TRABD2B: variants seen among roughly 807,000 people sequenced by gnomAD.
TRABD2B encodes the protein metalloprotease TIKI2.
In TRABD2B, 14 loss-of-function variants were observed where a neutral mutation model predicts 40.1. The ratio of observed to expected loss-of-function variants is 0.35; its 90% CI spans 0.23 to 0.55. The LOEUF (loss-of-function observed/expected upper bound fraction) is 0.55. Ranked by LOEUF, TRABD2B falls within the 20% of genes least tolerant of loss-of-function variation. The pLI is 0.90. For synonymous variants in TRABD2B, 263 were observed against 277.0 expected (o/e 0.95, Z 0.50); for missense variants, 541 against 648.6 (o/e 0.83, Z 1.80).
intron 2 of TRABD2B, among the ~76,000 whole-genome samples, chr1:47,843,958 C>A (rs373209805): frequency 6.6e-6 from 1 of 152,168 alleles, no homozygotes; most frequent in Non-Finnish European, 1.5e-5. Context: ...GGGCACCCAG[C>A]CCCAGGCCCG....
intron 2 of TRABD2B, among the ~76,000 whole-genome samples, chr1:47,980,202 A>G (rs1168136953): frequency 6.6e-6 from 1 of 152,116 alleles, no homozygotes; most frequent in African/African-American, 2.4e-5. Flanking sequence ...ATCCGGATCA[A>G]TATCACCATC....
At chr1:47,966,460 C>T (rs1645604316) in intron 2 of TRABD2B, among the ~76,000 whole-genome samples, 1 of 152,204 alleles carries the variant, frequency 6.6e-6, no homozygotes, top group Non-Finnish European at 1.5e-5. Flanking sequence ...AAAGGAGGCG[C>T]TCACCAGACT....
chr1:47,944,566 GA>G (rs1446563366), intron 2 of TRABD2B, among the ~76,000 whole-genome samples: 1 of 152,154 alleles, frequency 6.6e-6, no homozygotes, highest in Non-Finnish European at 1.5e-5. Flanking sequence ...GTGGAGGAAG[GA>G]AGAAGGATCA....
chr1:47,980,589 T>C (rs1177601681), intron 2 of TRABD2B, among the ~76,000 whole-genome samples: 1 of 152,190 alleles, frequency 6.6e-6, no homozygotes, highest in African/African-American at 2.4e-5. Context: ...TCCTCTAGGC[T>C]GGGGGTGGCC....
chr1:47,942,384 C>T (rs1450716553), intron 2 of TRABD2B, among the ~76,000 whole-genome samples: 5 of 111,974 alleles, frequency 4.5e-5, no homozygotes, highest in Admixed American at 2.5e-4. Flanking sequence ...GTGAAGGGGA[C>T]GATCAGGGGA....
intron 2 of TRABD2B, among the ~76,000 whole-genome samples, chr1:47,880,661 C>A (rs372130304): frequency 6.6e-6 from 1 of 152,284 alleles, no homozygotes; most frequent in East Asian, 1.9e-4. Flanking sequence ...TTCTCCTCTG[C>A]CCCTCCGTGT....
At chr1:47,768,960 C>T (rs941524907) in intron 6 of TRABD2B, among the ~76,000 whole-genome samples, 5 of 152,170 alleles carry the variant, frequency 3.3e-5, no homozygotes, top group African/African-American at 9.6e-5. Context: ...AGGAGCCGTC[C>T]CTGAATGAAC....
chr1:47,981,169 A>T (rs1030874091), intron 2 of TRABD2B, among the ~76,000 whole-genome samples: 5 of 152,060 alleles, frequency 3.3e-5, no homozygotes, highest in Non-Finnish European at 1.5e-5. Flanking sequence ...GTGCATCACC[A>T]AGCCTGGCTA....
Position 47,996,911 on chromosome 1 carries a change from G to T in TRABD2B, c.-122C>A, listed in dbSNP as rs1321950120. 7.1e-6 allele frequency: 8 copies of T among 1,124,564 alleles called. No homozygotes were observed. The highest frequency in any genetic ancestry group is 8.7e-6 in the Non-Finnish European group (8 of 920,158). 69.7% of individuals were successfully genotyped at this position (1,124,564 alleles called of 1,614,324 possible). On this transcript the variant is annotated 5_prime_UTR_variant, in exon 1 of 7. Coordinates refer to ENST00000606738, the MANE Select transcript of TRABD2B (RefSeq NM_001194986.2). This position sits in a 1 kb window ranked among gnomAD's most constrained non-coding sequence, Gnocchi z 4.6. ...CGGGGCTCCAGCCGCAGGATGCTGG[G>T]CGCCCTCTGGGGCGTGGCTGACTGT...
rs536272206 is a variant in TRABD2B, at chr1:47,888,947, G to A, written c.667-87328C>T. ...GTTAGCATCACCCACCCTAGGTCAG[G>A]TGCCTGTGGCCCGCGCTCCCCAGCC... On this transcript the variant is annotated intron_variant, in intron 2 of 6. Coordinates refer to ENST00000606738, the MANE Select transcript of TRABD2B (RefSeq NM_001194986.2). Among the ~76,000 whole-genome samples, 9 of 152,328 alleles carry A rather than the reference G, an allele frequency of 5.9e-5. No individual in the cohort carries two copies. The South Asian group carries it at 1.0e-3, about 18-fold the overall frequency.
At chr1:47,956,833 T>C (rs1476554667) in intron 2 of TRABD2B, among the ~76,000 whole-genome samples, 1 of 152,228 alleles carries the variant, frequency 6.6e-6, no homozygotes, top group Non-Finnish European at 1.5e-5. Context: ...TAAACGTCCC[T>C]GTCTGACAGC....
intron 2 of TRABD2B, among the ~76,000 whole-genome samples, chr1:47,967,200 G>A (rs1191633422): frequency 6.6e-6 from 1 of 152,052 alleles, no homozygotes; most frequent in African/African-American, 2.4e-5. Flanking sequence ...ATTGCCTCCT[G>A]GAAGCTTTTA....
intron 2 of TRABD2B, among the ~76,000 whole-genome samples, chr1:47,923,632 T>C (rs1396188837): frequency 3.9e-5 from 6 of 152,238 alleles, no homozygotes; most frequent in Admixed American, 6.5e-5. Flanking sequence ...TCTGTGAAGA[T>C]ATCTCTTTAG....
At chr1:47,951,405 C>A (rs1334913191) in intron 2 of TRABD2B, among the ~76,000 whole-genome samples, 2 of 152,164 alleles carry the variant, frequency 1.3e-5, no homozygotes, top group Non-Finnish European at 2.9e-5. Flanking sequence ...AATAAATAAA[C>A]CTTGGTGAGC....
At chr1:47,974,687 G>A (rs1168259609) in intron 2 of TRABD2B, among the ~76,000 whole-genome samples, 1 of 152,174 alleles carries the variant, frequency 6.6e-6, no homozygotes, top group Non-Finnish European at 1.5e-5. Context: ...CGACAGAGCA[G>A]TTAACTCCCC....
rs972995945 is a variant in TRABD2B, at chr1:47,761,667, T to C, written c.*4235A>G. On this transcript the variant is annotated 3_prime_UTR_variant, in exon 7 of 7. Transcript: ENST00000606738. ...CTCAATGTCATCTACACCAGGCCCTTGGCAAGATGTCAACTCTCCTACCAC... is the reference window on the plus strand; with the variant it reads ...CTCAATGTCATCTACACCAGGCCCTCGGCAAGATGTCAACTCTCCTACCAC... 1.3e-5 allele frequency: 2 copies of C among 152,252 alleles called. No individual in the cohort carries two copies. The highest frequency in any genetic ancestry group is 2.9e-5 in the Non-Finnish European group (2 of 68,058). The allele number at this position is 152,252 out of a possible 1,614,324, so 9.4% of individuals were successfully genotyped here.
At chr1:47,982,543 C>T (rs890843078) in intron 2 of TRABD2B, among the ~76,000 whole-genome samples, 6 of 152,178 alleles carry the variant, frequency 3.9e-5, no homozygotes, top group African/African-American at 1.4e-4. Flanking sequence ...AGTAGAAATC[C>T]TGGCTCCATC....
intron 2 of TRABD2B, among the ~76,000 whole-genome samples, chr1:47,926,240 A>G (rs1404022814): frequency 6.6e-6 from 1 of 152,232 alleles, no homozygotes; most frequent in Non-Finnish European, 1.5e-5. Context: ...TGCCCTCTCA[A>G]CTTCTTACCA....
intron 6 of TRABD2B, among the ~76,000 whole-genome samples, chr1:47,767,927 C>G (rs952769315): frequency 2.0e-5 from 3 of 152,214 alleles, no homozygotes; most frequent in African/African-American, 4.8e-5. Context: ...CCGTCCTGGC[C>G]AGACGCCTCT....
Sources: allele counts gnomAD v4.1 joint callset (sites outside exome capture counted in the v4.1 genomes callset), GRCh38; gene constraint gnomAD v4.1.1; non-coding constraint Gnocchi (gnomAD v3.1); transcripts MANE v1.5; gene names NCBI Gene and HGNC (gene_info 2026-07-23, HGNC 2026-07-21).